The following TXNDC8 variants were observed in gnomAD, a reference collection of about 807,000 sequenced individuals.
The protein encoded by TXNDC8 is thioredoxin domain containing 8, also known as thioredoxin domain-containing protein 8.
Under a neutral mutation model 12.9 loss-of-function variants are expected in TXNDC8, and 15 were observed. The observed-to-expected ratio is 1.16, with a 90% CI of 0.78 to 1.79. The LOEUF (loss-of-function observed/expected upper bound fraction) is 1.79. Ranked by LOEUF, TXNDC8 falls within the 40% of genes most tolerant of loss-of-function variation. The pLI is 0.00. For synonymous variants in TXNDC8, 40 were observed against 35.4 expected, an observed-to-expected ratio of 1.13 and a Z score of -0.46; for missense variants, 128 against 113.2, an observed-to-expected ratio of 1.13 and a Z score of -0.59.
chr9:110,303,874 C>G (rs1439280228), intron 4 of TXNDC8, among the ~76,000 whole-genome samples: 1 of 152,188 alleles, frequency 6.6e-6, no homozygotes, highest in African/African-American at 2.4e-5. Context: ...AATAAACAAA[C>G]TCCATCATTG....
chr9:110,320,535 A>G (rs942006159), intron 3 of TXNDC8, among the ~76,000 whole-genome samples: 1 of 152,164 alleles, frequency 6.6e-6, no homozygotes, highest in Non-Finnish European at 1.5e-5. Flanking sequence ...GCAGCATGAG[A>G]ACGGATTAAT....
At chr9:110,314,741 A>C (rs1191524240) in intron 3 of TXNDC8, among the ~76,000 whole-genome samples, 3 of 152,098 alleles carry the variant, frequency 2.0e-5, no homozygotes, top group Non-Finnish European at 2.9e-5. Flanking sequence ...CAGCAAATTA[A>C]ACTTTCTAAA....
At chr9:110,333,404 C>T (rs915953345) in intron 2 of TXNDC8, among the ~76,000 whole-genome samples, 5 of 152,144 alleles carry the variant, frequency 3.3e-5, no homozygotes, top group South Asian at 2.1e-4. Context: ...GAAACCATCC[C>T]GGCACCCCCT....
intron 1 of TXNDC8, among the ~76,000 whole-genome samples, chr9:110,335,802 G>T (rs1264972779): frequency 6.6e-6 from 1 of 152,128 alleles, no homozygotes; most frequent in Non-Finnish European, 1.5e-5. Flanking sequence ...GAGGGGGATG[G>T]GATTGTTAAT....
chr9:110,329,233 G>T (rs201637899), intron 2 of TXNDC8: 1 of 1,611,646 alleles, frequency 6.2e-7, no homozygotes, highest in African/African-American at 1.3e-5. Flanking sequence ...GATTCTTACC[G>T]GAGAATTGTT....
At chr9:110,329,241 G>GT in intron 2 of TXNDC8, 1 of 1,612,142 alleles carries the variant, frequency 6.2e-7, no homozygotes, top group Non-Finnish European at 8.5e-7. Context: ...CCGGAGAATT[G>GT]TTCACATCCA....
chr9:110,334,862 C>T (rs1481444685), intron 1 of TXNDC8, among the ~76,000 whole-genome samples: 1 of 151,532 alleles, frequency 6.6e-6, no homozygotes, highest in Non-Finnish European at 1.5e-5. Flanking sequence ...AAGAATTAAT[C>T]TCACACCTTG....
intron 3 of TXNDC8, chr9:110,322,903 A>C: frequency 2.0e-6 from 2 of 985,436 alleles, no homozygotes; most frequent in Non-Finnish European, 2.4e-6. Context: ...TGAGCTTTCA[A>C]ATCAGACATG....
At chr9:110,315,042 C>T (rs931444359) in intron 3 of TXNDC8, among the ~76,000 whole-genome samples, 4 of 152,088 alleles carry the variant, frequency 2.6e-5, no homozygotes, top group African/African-American at 7.2e-5. Flanking sequence ...CAAACATCCA[C>T]AAAAATAAAA....
At chr9:110,311,553 A>ATATC (rs1260967626) in intron 3 of TXNDC8, among the ~76,000 whole-genome samples, 1 of 130,268 alleles carries the variant, frequency 7.7e-6, no homozygotes, top group East Asian at 2.3e-4. Context: ...ATATATATAT[A>ATATC]TATATCTCCA....
chr9:110,331,853 G>GTTCGGAA (rs1217330144), intron 2 of TXNDC8, among the ~76,000 whole-genome samples: 1 of 152,204 alleles, frequency 6.6e-6, no homozygotes, highest in African/African-American at 2.4e-5. Flanking sequence ...CTCACCTCCT[G>GTTCGGAA]CTGTGTGGCC....
chr9:110,336,316 A>AGAAGAT (rs1185884028), intron 1 of TXNDC8, among the ~76,000 whole-genome samples: 2 of 152,222 alleles, frequency 1.3e-5, no homozygotes, highest in Non-Finnish European at 2.9e-5. Flanking sequence ...GATGACTCAA[A>AGAAGAT]GAAGATGCAC....
chr9:110,328,667 G>C (rs563656180), intron 2 of TXNDC8, among the ~76,000 whole-genome samples: 3 of 152,182 alleles, frequency 2.0e-5, no homozygotes, highest in Non-Finnish European at 4.4e-5. Context: ...TTAGCCGGGC[G>C]TGGTGGCACA....
intron 3 of TXNDC8, among the ~76,000 whole-genome samples, chr9:110,305,653 C>CTTCT (rs10583404): frequency 8.7e-5 from 8 of 92,332 alleles, no homozygotes; most frequent in African/African-American, 8.9e-5. Context: ...TTTCTATTTT[C>CTTCT]TTCTTTCTTT....
intron 3 of TXNDC8, among the ~76,000 whole-genome samples, chr9:110,306,413 C>T (rs930979657): frequency 6.6e-6 from 1 of 152,198 alleles, no homozygotes; most frequent in Non-Finnish European, 1.5e-5. Context: ...TTTCTCATCC[C>T]TGAAGCTCAA....
At chr9:110,336,172 T>C (rs760191762) in intron 1 of TXNDC8, among the ~76,000 whole-genome samples, 8 of 152,352 alleles carry the variant, frequency 5.3e-5, no homozygotes, top group Middle Eastern at 3.4e-3. Context: ...CATTAGATCT[T>C]TTTTTCTTTA....
At chr9:110,334,382 A>C (rs1271396492) in intron 1 of TXNDC8, 62 bp from the exon 2 acceptor site, 1 of 1,433,108 alleles carries the variant, frequency 7.0e-7, no homozygotes, top group Non-Finnish European at 9.8e-7. Context: ...CATTTTGTAG[A>C]GAAGAAGATG....
chr9:110,303,402 A>G (rs1041588147), downstream of TXNDC8: 1 of 1,177,864 alleles, frequency 8.5e-7, no homozygotes, highest in Non-Finnish European at 1.1e-6. Context: ...GTATTCAACC[A>G]GCAAAGCATT....
At chr9:110,333,495 T>C (rs191940723) in intron 2 of TXNDC8, among the ~76,000 whole-genome samples, 1 of 152,274 alleles carries the variant, frequency 6.6e-6, no homozygotes, top group East Asian at 1.9e-4. Context: ...CACTGTGATA[T>C]ACAACATAGT....
Sources: allele counts gnomAD v4.1 joint callset (sites outside exome capture counted in the v4.1 genomes callset), GRCh38; gene constraint gnomAD v4.1.1; transcripts MANE v1.5; gene names NCBI Gene and HGNC (gene_info 2026-07-23, HGNC 2026-07-21).